Variants in RREB1 observed in about 807,000 individuals in gnomAD.
The protein encoded by RREB1 is ras-responsive element-binding protein 1.
Under a neutral mutation model 117.8 loss-of-function variants are expected in RREB1, and 27 were observed. The observed-to-expected ratio is 0.23, with a 90% CI of 0.17 to 0.32. The LOEUF (loss-of-function observed/expected upper bound fraction) is 0.32, where lower values mean the gene tolerates loss of function less well. RREB1 is among the 10% of genes least tolerant of loss of function. The probability of loss-of-function intolerance (pLI) is 1.00; values close to 1 mark genes in which losing one functional copy is unlikely to be tolerated. For synonymous variants in RREB1, 1,298 were observed against 1,026.7 expected (o/e 1.26, Z -5.05); for missense variants, 2,577 against 2,378.2 (o/e 1.08, Z -1.74).
At chr6:7,165,324 A>G (rs1290995242) in intron 1 of RREB1, among the ~76,000 whole-genome samples, 1 of 152,242 alleles carries the variant, frequency 6.6e-6, no homozygotes, top group Non-Finnish European at 1.5e-5. Context: ...ACTGGATAAC[A>G]AACTGTTAAG....
At chr6:7,175,552 G>T (rs937652305) in intron 1 of RREB1, among the ~76,000 whole-genome samples, 1 of 152,192 alleles carries the variant, frequency 6.6e-6, no homozygotes, top group Non-Finnish European at 1.5e-5. Flanking sequence ...GTTGTTTCTC[G>T]CCCGGTGTTG....
intron 1 of RREB1, among the ~76,000 whole-genome samples, chr6:7,155,426 T>G (rs1025889959): frequency 1.3e-5 from 2 of 152,218 alleles, no homozygotes; most frequent in Non-Finnish European, 2.9e-5. Context: ...CCTGCCTCAC[T>G]CAGCCTCCCG....
At chr6:7,135,223 G>T (rs145304421) in intron 1 of RREB1, among the ~76,000 whole-genome samples, 1 of 152,100 alleles carries the variant, frequency 6.6e-6, no homozygotes. Context: ...TATCTTCCTT[G>T]TGCCTTCTTA....
chr6:7,159,949 T>C (rs1002389436), intron 1 of RREB1, among the ~76,000 whole-genome samples: 3 of 152,176 alleles, frequency 2.0e-5, no homozygotes, highest in Admixed American at 2.0e-4. Flanking sequence ...AACCTAAGCA[T>C]GTCATCTGTT....
intron 8 of RREB1, among the ~76,000 whole-genome samples, chr6:7,224,644 T>G (rs928571117): frequency 6.6e-6 from 1 of 152,136 alleles, no homozygotes; most frequent in Non-Finnish European, 1.5e-5. Context: ...AGAAAGAACC[T>G]CACCCAGAGG....
Position 7,249,058 on chromosome 6 carries a change from GGAGTGAGA to G in RREB1, c.*94_*101del. ...TTCCTCAGTGCCCTTTGGCTGTTGAGGAGTGAGAGAGAGAGAGAGAGAGAGAGAGAGAG... is the reference window on the plus strand; with the variant it reads ...TTCCTCAGTGCCCTTTGGCTGTTGAGGAGAGAGAGAGAGAGAGAGAGAGAG... On this transcript the variant is annotated 3_prime_UTR_variant, in exon 13 of 13. Transcript: ENST00000379938. The G allele has an allele frequency of 1.3e-6, 1 of 763,546 alleles. No homozygotes were observed. Among genetic ancestry groups the G allele is most frequent in the Non-Finnish European group, 1.9e-6 (1 of 524,168 alleles). 47.3% of individuals were successfully genotyped at this position (763,546 alleles called of 1,614,324 possible).
chr6:7,192,514 G>A (rs967191961), intron 6 of RREB1, among the ~76,000 whole-genome samples: 4 of 152,032 alleles, frequency 2.6e-5, no homozygotes, highest in African/African-American at 9.7e-5. Context: ...TTCTTCTTGA[G>A]TCAGTTTCAA....
intron 10 of RREB1, among the ~76,000 whole-genome samples, chr6:7,235,627 GT>G (rs1768270077): frequency 6.6e-6 from 1 of 152,206 alleles, no homozygotes; most frequent in Non-Finnish European, 1.5e-5. Flanking sequence ...TGAGTACAGT[GT>G]TAAAATCTAG....
chr6:7,238,785 G>A (rs1768502325), intron 10 of RREB1, among the ~76,000 whole-genome samples: 1 of 152,174 alleles, frequency 6.6e-6, no homozygotes, highest in African/African-American at 2.4e-5. Context: ...TTCTAATTCT[G>A]TTGTCTTTGA....
chr6:7,150,269 A>G (rs1382249474), intron 1 of RREB1, among the ~76,000 whole-genome samples: 1 of 152,218 alleles, frequency 6.6e-6, no homozygotes, highest in Non-Finnish European at 1.5e-5. Context: ...TCAGATTAAT[A>G]GATACATTTG....
At chr6:7,214,750 T>C (rs938635954) in intron 8 of RREB1, 1 of 152,290 alleles carries the variant, frequency 6.6e-6, no homozygotes, top group African/African-American at 2.4e-5. Flanking sequence ...CCGCTTAGAC[T>C]GAAGGTTTGT....
intron 1 of RREB1, among the ~76,000 whole-genome samples, chr6:7,117,388 G>GTTTTT (rs70978941): frequency 7.9e-5 from 5 of 63,294 alleles, no homozygotes; most frequent in African/African-American, 1.4e-4. Context: ...TAGGTTTCCT[G>GTTTTT]TTTTTTTTTT....
chr6:7,182,205 G>A, intron 4 of RREB1, 123 bp downstream of exon 4: 1 of 887,294 alleles, frequency 1.1e-6, no homozygotes, highest in Non-Finnish European at 1.7e-6. Flanking sequence ...CATACCCAGA[G>A]GCCTTGATCA....
intron 1 of RREB1, among the ~76,000 whole-genome samples, chr6:7,116,024 C>G (rs751889464): frequency 6.6e-6 from 1 of 152,168 alleles, no homozygotes; most frequent in Non-Finnish European, 1.5e-5. Flanking sequence ...CAAACGCCTC[C>G]CAAGTTAATT....
chr6:7,162,735 C>G (rs899736313), intron 1 of RREB1, among the ~76,000 whole-genome samples: 2 of 152,284 alleles, frequency 1.3e-5, no homozygotes, highest in East Asian at 3.9e-4. Flanking sequence ...ACCCATTTTT[C>G]TCTGCCTACG....
chr6:7,162,003 A>C (rs1485154552), intron 1 of RREB1, among the ~76,000 whole-genome samples: 2 of 152,162 alleles, frequency 1.3e-5, no homozygotes, highest in African/African-American at 4.8e-5. Flanking sequence ...AACAGGATAA[A>C]GTTCATGGCT....
intron 11 of RREB1, 98 bp downstream of exon 11, chr6:7,240,700 T>C (rs1323183904): frequency 9.1e-7 from 1 of 1,102,804 alleles, no homozygotes; most frequent in Non-Finnish European, 1.3e-6. Flanking sequence ...GAGGGGCTGC[T>C]TGTTCACTTC....
intron 1 of RREB1, among the ~76,000 whole-genome samples, chr6:7,172,347 C>G (rs1764254218): frequency 6.6e-6 from 1 of 151,860 alleles, no homozygotes; most frequent in Non-Finnish European, 1.5e-5. Flanking sequence ...GTTTGCTGCC[C>G]CCCTTCACCT....
At position 7,247,116 on chromosome 6, in the gene RREB1, A is replaced by G. The variant is rs757690588; in HGVS notation, c.4666A>G (p.Lys1556Glu). 9.9e-6 allele frequency: 16 copies of G among 1,613,908 alleles called. No individual in the cohort carries two copies. The highest frequency in any genetic ancestry group is 8.5e-7 in the Non-Finnish European group (1 of 1,179,994). Residue 1556 changes from lysine (K) to glutamate (E), a missense_variant, in exon 12 of 13, where the codon AAA becomes GAA. Physicochemically the swap from Lys to Glu is moderately conservative, Grantham distance 56. Transcript: ENST00000379938. ...DDKKPKTDSP[K>E]SVASKADKRK... ...CAAGAAACCAAAGACAGACTCCCCC[A>G]AAAGCGTGGCCAGCAAGGCAGACAA...
Sources: allele counts gnomAD v4.1 joint callset (sites outside exome capture counted in the v4.1 genomes callset), GRCh38; gene constraint gnomAD v4.1.1; transcripts MANE v1.5; gene names NCBI Gene and HGNC (gene_info 2026-07-23, HGNC 2026-07-21).